Variants in MTMR3 observed in about 807,000 individuals in gnomAD.
The protein encoded by MTMR3 is myotubularin related protein 3, also known as phosphatidylinositol-3,5-bisphosphate 3-phosphatase MTMR3.
A neutral mutation model predicts 132.4 loss-of-function variants in MTMR3; 32 were observed. That is an observed-to-expected ratio of 0.24 (90% CI 0.18 to 0.32). The LOEUF is 0.32. MTMR3 is among the 10% of genes least tolerant of loss of function. The pLI is 1.00. For synonymous variants in MTMR3, 556 were observed against 550.3 expected (o/e 1.01, Z -0.14); for missense variants, 1,216 against 1,489.6 (o/e 0.82, Z 3.02).
chr22:29,990,452 C>T (rs1407856768), intron 6 of MTMR3: 2 of 152,094 alleles, frequency 1.3e-5, no homozygotes, highest in Admixed American at 6.6e-5. Flanking sequence ...GCTTTTTAGT[C>T]AGTGAGATTT....
chr22:29,901,233 A>G (rs2145726134), intron 1 of MTMR3, among the ~76,000 whole-genome samples: 1 of 151,542 alleles, frequency 6.6e-6, no homozygotes, highest in Non-Finnish European at 1.5e-5. Context: ...ACTAGGATGT[A>G]AGCACTAGGT....
chr22:29,978,839 G>C (rs545638284), intron 4 of MTMR3, 97 bp from the exon 5 acceptor site: 1 of 905,386 alleles, frequency 1.1e-6, no homozygotes, highest in East Asian at 2.4e-5. Context: ...TTCAACTTCA[G>C]TGGCAGAGGA....
chr22:29,928,160 ATTTTTTTTTTCTTTTTTTTTT>A (rs905164258), intron 1 of MTMR3, among the ~76,000 whole-genome samples: 4 of 114,826 alleles, frequency 3.5e-5, no homozygotes, highest in Non-Finnish European at 7.0e-5. Flanking sequence ...TAATCACTAC[ATTTTTTTTTTCTTTTTTTTTT>A]TTTTTTTTTA....
At chr22:30,007,812 G>T (rs543158594) in intron 10 of MTMR3, 89 bp from the exon 11 acceptor site, 2 of 1,465,392 alleles carry the variant, frequency 1.4e-6, no homozygotes, top group Non-Finnish European at 1.8e-6. Context: ...AGCCTTTTTT[G>T]TGCCATAAGA....
At chr22:29,948,433 G>T (rs1424739635) in intron 1 of MTMR3, among the ~76,000 whole-genome samples, 1 of 152,182 alleles carries the variant, frequency 6.6e-6, no homozygotes, top group East Asian at 1.9e-4. Context: ...CAGTATGCAG[G>T]TTAGCTAGGT....
At chr22:29,887,000 C>G (rs1568990202) in intron 1 of MTMR3, among the ~76,000 whole-genome samples, 1 of 152,100 alleles carries the variant, frequency 6.6e-6, no homozygotes. Context: ...AAGATGATAT[C>G]AGATTCATAC....
intron 1 of MTMR3, among the ~76,000 whole-genome samples, chr22:29,899,975 T>C (rs1034942378): frequency 1.3e-5 from 2 of 152,166 alleles, no homozygotes; most frequent in African/African-American, 4.8e-5. Flanking sequence ...TCGTCGTCTT[T>C]TAGCTTTTGA....
In MTMR3 at chr22:29,964,921, G is replaced by C. The variant is rs6006314; in HGVS notation, c.-84-6055G>C. Among the ~76,000 whole-genome samples, 562 of 152,138 alleles carry C rather than the reference G, an allele frequency of 3.7e-3. 2 individuals are homozygous for C. Among genetic ancestry groups the C allele is most frequent in the African/African-American group, 0.013 (532 of 41,506 alleles). On this transcript the variant is annotated intron_variant, in intron 2 of 19. Coordinates refer to ENST00000401950, the MANE Select transcript of MTMR3 (RefSeq NM_021090.4). Reference sequence around the variant, plus strand: ...TTCAAGTTGTGCCACTCTTCTTTCTGATTCGGTACAGTTTAGCTACAATGG... The same window carrying C: ...TTCAAGTTGTGCCACTCTTCTTTCTCATTCGGTACAGTTTAGCTACAATGG...
chr22:29,982,631 A>G (rs563810355), intron 5 of MTMR3: 2 of 152,310 alleles, frequency 1.3e-5, no homozygotes, highest in South Asian at 4.1e-4. Flanking sequence ...TTTACCATCA[A>G]GTTTTAAATA....
intron 1 of MTMR3, among the ~76,000 whole-genome samples, chr22:29,946,750 T>C (rs978493293): frequency 1.2e-4 from 1 of 8,188 alleles, no homozygotes; most frequent in East Asian, 0.019. Flanking sequence ...TTGGAAAAGT[T>C]TTTTTTTTTT....
intron 1 of MTMR3, among the ~76,000 whole-genome samples, chr22:29,954,041 T>A (rs534480610): frequency 6.6e-6 from 1 of 150,446 alleles, no homozygotes; most frequent in South Asian, 2.1e-4. Flanking sequence ...TGGCCCTTTT[T>A]TTTTCTTTCA....
chr22:29,906,019 A>AT (rs142474399), intron 1 of MTMR3, among the ~76,000 whole-genome samples: 7,051 of 151,740 alleles, frequency 0.046, 553 homozygotes, highest in African/African-American at 0.16. Flanking sequence ...TCAGGATGGC[A>AT]TTTTTTTTGT....
intron 16 of MTMR3, chr22:30,018,296 C>G: frequency 2.0e-6 from 1 of 498,988 alleles, no homozygotes; most frequent in Non-Finnish European, 3.4e-6. Context: ...TGTTGTTTTG[C>G]ATACACTGAG....
At position 30,017,917 on chromosome 22, in the gene MTMR3, CCCT is replaced by C. The variant is rs2067640423; in HGVS notation, c.1675-5_1675-3del. 2 of 1,612,448 alleles carry C rather than the reference CCCT, an allele frequency of 1.2e-6. No individual in the cohort carries two copies. The highest frequency in any genetic ancestry group is 2.7e-5 in the African/African-American group (2 of 74,826). On this transcript the variant is annotated splice_polypyrimidine_tract_variant and splice_region_variant and intron_variant, in intron 15 of 19. Coordinates refer to ENST00000401950, the MANE Select transcript of MTMR3 (RefSeq NM_021090.4). ...GGCATATTTAAACCTGTGTCCTCCC[CCCT>C]CCTCAGGTGCTGTACCCTGTGTGCC...
Position 30,027,872 on chromosome 22 carries a change from A to G in MTMR3, c.*2071A>G, listed in dbSNP as rs2067942319. 6 of 152,298 alleles carry G rather than the reference A, an allele frequency of 3.9e-5. No individual in the cohort carries two copies. In the South Asian group the frequency reaches 1.2e-3, roughly 32 times the overall value. 9.4% of individuals were successfully genotyped at this position (152,298 alleles called of 1,614,324 possible). A position where few individuals can be genotyped will look rare whatever the true frequency, so the allele number is the denominator to read the frequency against. ...GTTCCACATGGTAGCATTTGCTAAC[A>G]CTTCCTAATTCTTTGCCCTGTGGTT... is the stretch of plus-strand genomic sequence containing the variant. On this transcript the variant is annotated 3_prime_UTR_variant, in exon 20 of 20. Coordinates refer to ENST00000401950, the MANE Select transcript of MTMR3 (RefSeq NM_021090.4).
chr22:29,936,245 AT>A (rs751959890), intron 1 of MTMR3, among the ~76,000 whole-genome samples: 2 of 152,068 alleles, frequency 1.3e-5, no homozygotes, highest in East Asian at 1.9e-4. Context: ...CCCATAATGA[AT>A]TTTTTTGGGG....
At chr22:30,005,412 G>A (rs116474687) in intron 9 of MTMR3, 2 of 152,204 alleles carry the variant, frequency 1.3e-5, no homozygotes, top group Admixed American at 6.5e-5. Flanking sequence ...AGGCTGAAGA[G>A]CGCCATCTAC....
intron 1 of MTMR3, among the ~76,000 whole-genome samples, chr22:29,915,552 G>T (rs2065292575): frequency 2.0e-5 from 3 of 152,180 alleles, no homozygotes; most frequent in Admixed American, 6.5e-5. Context: ...CTCCTGAGGA[G>T]CTGGGATTAC....
chr22:30,024,300 C>CG (rs2067848037), intron 19 of MTMR3: 1 of 152,002 alleles, frequency 6.6e-6, no homozygotes, highest in South Asian at 2.1e-4. Context: ...ACTCCCATCT[C>CG]GAAAAAGTAA....
Sources: allele counts gnomAD v4.1 joint callset (sites outside exome capture counted in the v4.1 genomes callset), GRCh38; gene constraint gnomAD v4.1.1; transcripts MANE v1.5; gene names NCBI Gene and HGNC (gene_info 2026-07-23, HGNC 2026-07-21).